The following FN1 variants were observed in gnomAD, a reference collection of about 807,000 sequenced individuals.
FN1 encodes fibronectin.
A neutral mutation model predicts 297.3 loss-of-function variants in FN1; 106 were observed. The observed-to-expected ratio is 0.36, with a 90% CI of 0.30 to 0.42. The LOEUF (loss-of-function observed/expected upper bound fraction) is 0.42. FN1 is among the 10% of genes least tolerant of loss of function. The pLI is 1.00. For missense variants in FN1, 2,690 were observed against 3,124.9 expected (o/e 0.86, Z 3.32); for synonymous variants, 1,149 against 1,152.6 (o/e 1.00, Z 0.06).
At chr2:215,391,030 A>T (rs999095403) in intron 26 of FN1, among the ~76,000 whole-genome samples, 1 of 152,246 alleles carries the variant, frequency 6.6e-6, no homozygotes, top group Non-Finnish European at 1.5e-5. Context: ...GGTTGGGACT[A>T]GAAAGAGACA....
intron 6 of FN1, among the ~76,000 whole-genome samples, chr2:215,426,114 C>G (rs538105481): frequency 6.6e-6 from 1 of 151,358 alleles, no homozygotes; most frequent in Non-Finnish European, 1.5e-5. Context: ...CAGAATAACA[C>G]AACAGGATGT....
chr2:215,380,015 A>G (rs1027555733), intron 33 of FN1: 7 of 152,554 alleles, frequency 4.6e-5, no homozygotes, highest in South Asian at 2.1e-4. Context: ...TATTCTACAT[A>G]AAGTATCTTT....
rs1175378767 is a variant in FN1 at position 215,414,788 on chromosome 2, G to C, written c.1941+49C>G. ...GGGAAAAAAAGAAACCATCAGAATT[G>C]ATAAGATTAGGAGACTCAGTATCCA... On this transcript the variant is annotated intron_variant, in intron 13 of 45. Transcript: ENST00000354785. 3 of 1,611,732 alleles carry C rather than the reference G, an allele frequency of 1.9e-6. No individual in the cohort carries two copies. In the Admixed American group the frequency reaches 5.0e-5, roughly 27 times the overall value.
intron 12 of FN1, 72 bp from the exon 13 acceptor site, chr2:215,415,030 C>A: frequency 8.5e-7 from 1 of 1,175,910 alleles, no homozygotes; most frequent in Non-Finnish European, 1.3e-6. Flanking sequence ...TGTACATGGA[C>A]AGTCATCATT....
At chr2:215,398,004 T>A (rs1268213740) in intron 21 of FN1, among the ~76,000 whole-genome samples, 156 bp from the exon 22 acceptor site, 1 of 152,260 alleles carries the variant, frequency 6.6e-6, no homozygotes, top group Non-Finnish European at 1.5e-5. Context: ...TTTTATATAC[T>A]TTAGCTGGAA....
intron 42 of FN1, 176 bp from the exon 43 acceptor site, chr2:215,365,806 A>ATT: frequency 4.0e-6 from 1 of 251,190 alleles, no homozygotes; most frequent in Non-Finnish European, 7.1e-6. Context: ...TTTACTTTTT[A>ATT]TTTTTTTTTT....
At chr2:215,434,934 C>A in intron 1 of FN1, 110 bp from the exon 2 acceptor site, 1 of 1,253,382 alleles carries the variant, frequency 8.0e-7, no homozygotes. Context: ...TTTAACTTTG[C>A]TAAAAGTTAT....
rs909823419 is a variant in FN1 at position 215,370,378 on chromosome 2, C to G, written c.6769G>C (p.Ala2257Pro). Reference sequence around the variant, plus strand: ...GCCTCCACTATGACGTTGTAGGTGGCACCTCTGGTGAGGCCTGTCAGAGTG... The same window carrying G: ...GCCTCCACTATGACGTTGTAGGTGGGACCTCTGGTGAGGCCTGTCAGAGTG... ...SATLTGLTRG[A>P]TYNVIVEALK... is the part of the protein sequence containing the mutation. The change falls in exon 41 of 46, where the codon GCC becomes CCC. Residue 2257 changes from alanine to proline, a missense_variant. Ala to Pro is a conservative substitution (Grantham distance 27, BLOSUM62 -1). Coordinates refer to ENST00000354785, the MANE Select transcript of FN1 (RefSeq NM_212482.4). 1.9e-6 allele frequency: 3 copies of G among 1,613,662 alleles called. No individual in the cohort carries two copies. In the African/African-American group the frequency reaches 4.0e-5, roughly 22 times the overall value.
intron 35 of FN1, among the ~76,000 whole-genome samples, chr2:215,376,893 C>T (rs1330593754): frequency 6.6e-6 from 1 of 152,046 alleles, no homozygotes; most frequent in African/African-American, 2.4e-5. Context: ...TTTTGAAGAG[C>T]TGAAAAGCTT....
chr2:215,401,239 A>C (rs191619254), intron 20 of FN1, among the ~76,000 whole-genome samples: 1 of 65,598 alleles, frequency 1.5e-5, no homozygotes, highest in Non-Finnish European at 3.4e-5. Flanking sequence ...AGAAAGAAAG[A>C]AAGAAAGAAA....
intron 5 of FN1, among the ~76,000 whole-genome samples, chr2:215,430,291 A>G (rs1250240): frequency 0.81 from 123,040 of 152,232 alleles, 50,526 homozygotes; most frequent in African/African-American, 0.95. Context: ...CAGTAAAGAC[A>G]CCAGAGGCCA....
intron 41 of FN1, among the ~76,000 whole-genome samples, chr2:215,369,231 A>AAT (rs1190910772): frequency 6.6e-6 from 1 of 151,992 alleles, no homozygotes; most frequent in Non-Finnish European, 1.5e-5. Context: ...AAAAAAAAAA[A>AAT]AATGACTTAG....
Position 215,409,479 on chromosome 2 carries a change from A to C in FN1, c.2299+84T>G. 3.8e-6 allele frequency: 5 copies of C among 1,300,154 alleles called. No homozygotes were observed. In the South Asian group the frequency reaches 5.9e-5, roughly 15 times the overall value. 80.5% of individuals were successfully genotyped at this position (1,300,154 alleles called of 1,614,324 possible). ...CAACCAGTTCCAAACCACAGATACCACCTGCCTAGAGGCCACCCACCCCCA... is the reference window on the plus strand; with the variant it reads ...CAACCAGTTCCAAACCACAGATACCCCCTGCCTAGAGGCCACCCACCCCCA... On this transcript the variant is annotated intron_variant, in intron 15 of 45. Transcript: ENST00000354785.
intron 32 of FN1, chr2:215,381,846 G>C (rs1575388004): frequency 2.9e-6 from 1 of 347,868 alleles, no homozygotes; most frequent in African/African-American, 2.1e-5. Context: ...CCCTTCAAAT[G>C]CCCCAAACAT....
chr2:215,376,547 A>G lies in FN1; in HGVS notation c.5838T>C (p.Thr1946=). Residue 1946 remains threonine, a synonymous_variant, in exon 36 of 46, where the codon ACT becomes ACC. Transcript: ENST00000354785. ...CTGGCTTGATGGTTCTCTGGATTGG[A>G]GTCTGGCCATTGGCTGGAACGGCAT... ...QVDAVPANGQ[T]PIQRTIKPDV... is the part of the protein sequence containing the mutation. 6.2e-7 allele frequency: 1 copy of G among 1,613,936 alleles called. No homozygotes were observed. The highest frequency in any genetic ancestry group is 8.5e-7 in the Non-Finnish European group (1 of 1,179,994).
chr2:215,397,295 C>T lies in FN1; in HGVS notation c.3518-72G>A. ...TGACCTGTGTAATCTTTCCTCCTTCCCTACCTCCCTCTCTTCCATGCTTCT... is the reference window on the plus strand; with the variant it reads ...TGACCTGTGTAATCTTTCCTCCTTCTCTACCTCCCTCTCTTCCATGCTTCT... On this transcript the variant is annotated intron_variant, in intron 22 of 45. Transcript: ENST00000354785. 5 of 1,050,656 alleles carry T rather than the reference C, an allele frequency of 4.8e-6. No individual in the cohort carries two copies. The South Asian group carries it at 6.3e-5, about 13-fold the overall frequency. The allele number at this position is 1,050,656 out of a possible 1,614,324, so 65.1% of individuals were successfully genotyped here.
chr2:215,426,415 T>TG (rs546545026), intron 6 of FN1, among the ~76,000 whole-genome samples: 168 of 152,354 alleles, frequency 1.1e-3, no homozygotes, highest in African/African-American at 3.8e-3. Flanking sequence ...CCCAAAGTGC[T>TG]GGGATTACAG....
chr2:215,409,496 C>A, intron 15 of FN1, 67 bp downstream of exon 15: 1 of 1,500,866 alleles, frequency 6.7e-7, no homozygotes, highest in Non-Finnish European at 9.3e-7. Context: ...TAGAGGCCAC[C>A]CACCCCCACA....
Position 215,391,666 on chromosome 2 carries a change from T to C in FN1, c.4218A>G (p.Ser1406=), listed in dbSNP as rs376011474. Residue 1406 remains serine (S), a synonymous_variant, in exon 26 of 46, where the codon TCA becomes TCG. Transcript: ENST00000354785. Reference sequence around the variant, plus strand: ...CCACTGCATTGTCTGAAGGAGAAATTGACAACTCTGCAACATCTTCCTCAT... The same window carrying C: ...CCACTGCATTGTCTGAAGGAGAAATCGACAACTCTGCAACATCTTCCTCAT... ...VKNEEDVAEL[S]ISPSDNAVVL... The C allele has an allele frequency of 9.9e-6, 16 of 1,614,124 alleles. No homozygotes were observed. In the African/African-American group the frequency reaches 2.0e-4, roughly 20 times the overall value.
Sources: gnomAD v4.1 joint callset for allele counts (sites outside exome capture counted in the v4.1 genomes callset) on GRCh38, gnomAD v4.1.1 for gene constraint, MANE v1.5 for transcripts, NCBI Gene and HGNC (gene_info 2026-07-23, HGNC 2026-07-21) for gene names.